The following MACROD2 variants were observed in gnomAD, a reference collection of about 807,000 sequenced individuals.
The protein encoded by MACROD2 is ADP-ribose glycohydrolase MACROD2.
Under a neutral mutation model 70.4 loss-of-function variants are expected in MACROD2, and 36 were observed. The ratio of observed to expected loss-of-function variants is 0.51; its 90% CI spans 0.39 to 0.68. The LOEUF is 0.68. Ranked by LOEUF, MACROD2 falls within the 30% of genes least tolerant of loss-of-function variation. The pLI, the probability that MACROD2 is intolerant of heterozygous loss-of-function variation, is 0.00. For missense variants in MACROD2, 496 were observed against 538.4 expected (o/e 0.92, Z 0.78); for synonymous variants, 172 against 178.8 (o/e 0.96, Z 0.30).
chr20:14,226,369 C>T (rs898604029), intron 3 of MACROD2, among the ~76,000 whole-genome samples: 1 of 152,236 alleles, frequency 6.6e-6, no homozygotes, highest in African/African-American at 2.4e-5. Flanking sequence ...AGCCTTCGCT[C>T]GCTCTCGGCG....
At chr20:14,860,189 G>A (rs1017328630) in intron 5 of MACROD2, among the ~76,000 whole-genome samples, 4 of 152,078 alleles carry the variant, frequency 2.6e-5, no homozygotes, top group Admixed American at 2.0e-4. Flanking sequence ...GAATTGTACA[G>A]GTTACTATTT....
At chr20:15,111,460 G>A (rs1419215286) in intron 5 of MACROD2, among the ~76,000 whole-genome samples, 3 of 152,092 alleles carry the variant, frequency 2.0e-5, no homozygotes, top group African/African-American at 7.2e-5. Context: ...GTGAGCCACT[G>A]CGCCTGGCCC....
intron 4 of MACROD2, among the ~76,000 whole-genome samples, chr20:14,588,086 G>A (rs558898301): frequency 2.0e-5 from 3 of 152,194 alleles, no homozygotes; most frequent in Admixed American, 6.5e-5. Context: ...TTTTATCTAT[G>A]TATATGTTTA....
chr20:15,165,816 A>C, intron 5 of MACROD2, among the ~76,000 whole-genome samples: 1 of 152,210 alleles, frequency 6.6e-6, no homozygotes, highest in East Asian at 1.9e-4. Context: ...TTTTAACATT[A>C]AGAAATATAT....
chr20:15,079,819 C>T (rs1347443631), intron 5 of MACROD2, among the ~76,000 whole-genome samples: 1 of 152,124 alleles, frequency 6.6e-6, no homozygotes, highest in Non-Finnish European at 1.5e-5. Context: ...TAGAAAGTCT[C>T]TTCACATTCC....
chr20:14,228,172 TAGAGAGAG>T (rs58319730), intron 3 of MACROD2, among the ~76,000 whole-genome samples: 191 of 151,138 alleles, frequency 1.3e-3, no homozygotes, highest in African/African-American at 4.2e-3. Context: ...TGTATATATA[TAGAGAGAG>T]AGAGAGAGAG....
chr20:14,958,308 G>GA (rs1391827246), intron 5 of MACROD2, among the ~76,000 whole-genome samples: 3 of 152,180 alleles, frequency 2.0e-5, no homozygotes, highest in Non-Finnish European at 4.4e-5. Context: ...TTAAGAGTGG[G>GA]AGCTTCTTGA....
At position 14,731,066 on chromosome 20, in the gene MACROD2, T is replaced by C. The variant is rs536023733; in HGVS notation, c.418+46107T>C. Among the ~76,000 whole-genome samples, 6 of 152,188 alleles carry C rather than the reference T, an allele frequency of 3.9e-5. No individual in the cohort carries two copies. In the South Asian group the frequency reaches 1.0e-3, roughly 26 times the overall value. On this transcript the variant is annotated intron_variant, in intron 5 of 17. Transcript: ENST00000684519. ...ATTTTGCATCAAAAATATTGTCTTC[T>C]GTAATTTCAGGAACTATTTTCTGCT... is the stretch of plus-strand genomic sequence containing the variant.
chr20:15,235,577 A>G (rs925552679), intron 6 of MACROD2, among the ~76,000 whole-genome samples: 1 of 152,192 alleles, frequency 6.6e-6, no homozygotes, highest in Non-Finnish European at 1.5e-5. Context: ...TAGTTGTTCC[A>G]CTGTAGTGTA....
intron 5 of MACROD2, among the ~76,000 whole-genome samples, chr20:15,074,173 G>T (rs1439584236): frequency 1.3e-5 from 2 of 152,158 alleles, no homozygotes; most frequent in Non-Finnish European, 2.9e-5. Context: ...GTAGCTTAAG[G>T]ATGGGGGCTG....
chr20:14,953,259 T>C (rs1350839801), intron 5 of MACROD2, among the ~76,000 whole-genome samples: 1 of 152,128 alleles, frequency 6.6e-6, no homozygotes, highest in East Asian at 1.9e-4. Flanking sequence ...TCCCATAAAG[T>C]TGTGACCTTA....
At chr20:14,641,356 G>GT (rs1271966565) in intron 4 of MACROD2, among the ~76,000 whole-genome samples, 1 of 152,158 alleles carries the variant, frequency 6.6e-6, no homozygotes, top group East Asian at 1.9e-4. Context: ...AAAGTCATCT[G>GT]TAAGGGCTGA....
chr20:14,030,523 C>A, intron 2 of MACROD2, among the ~76,000 whole-genome samples: 1 of 152,028 alleles, frequency 6.6e-6, no homozygotes, highest in East Asian at 1.9e-4. Flanking sequence ...ATTCTCCTGA[C>A]TTAGCCCCAC....
At chr20:15,850,645 G>A (rs1388006465) in intron 8 of MACROD2, among the ~76,000 whole-genome samples, 4 of 152,228 alleles carry the variant, frequency 2.6e-5, no homozygotes, top group Admixed American at 2.6e-4. Context: ...CTGCAGAGAT[G>A]TGTCTTGGCT....
intron 3 of MACROD2, among the ~76,000 whole-genome samples, chr20:14,114,197 T>A (rs1396588551): frequency 6.6e-6 from 1 of 152,084 alleles, no homozygotes; most frequent in African/African-American, 2.4e-5. Flanking sequence ...TCCTTGACAA[T>A]AAGGAAGAAA....
intron 5 of MACROD2, among the ~76,000 whole-genome samples, chr20:14,709,518 A>C (rs1306371784): frequency 6.6e-6 from 1 of 152,188 alleles, no homozygotes; most frequent in African/African-American, 2.4e-5. Context: ...ATGTATTTAG[A>C]TTCAAATTTA....
Position 15,596,207 on chromosome 20 carries a change from G to A in MACROD2, c.645+96360G>A, listed in dbSNP as rs554590738. 3.1e-3 allele frequency among the ~76,000 whole-genome samples: 469 copies of A among 151,882 alleles called. 4 individuals are homozygous for A. Among genetic ancestry groups the A allele is most frequent in the Admixed American group, 5.4e-3 (82 of 15,278 alleles). On this transcript the variant is annotated intron_variant, in intron 8 of 17. Coordinates refer to ENST00000684519, the MANE Select transcript of MACROD2 (RefSeq NM_001351661.2). ...TTAGTATCTTGTTGGCTTGTGGCTC[G>A]GTCAACTCTACTGAGAGCTCCTGTT...
At chr20:14,289,526 T>C (rs1029290414) in intron 3 of MACROD2, among the ~76,000 whole-genome samples, 1 of 152,182 alleles carries the variant, frequency 6.6e-6, no homozygotes, top group African/African-American at 2.4e-5. Context: ...ATTCAATGCT[T>C]CTCATAGTCT....
At chr20:16,017,240 C>G (rs577103393) in intron 15 of MACROD2, among the ~76,000 whole-genome samples, 5 of 152,298 alleles carry the variant, frequency 3.3e-5, no homozygotes, top group Non-Finnish European at 5.9e-5. Flanking sequence ...TTTGTACTTA[C>G]TACTACTCCT....
Sources: allele counts gnomAD v4.1 joint callset (sites outside exome capture counted in the v4.1 genomes callset), GRCh38; gene constraint gnomAD v4.1.1; transcripts MANE v1.5; gene names NCBI Gene and HGNC (gene_info 2026-07-23, HGNC 2026-07-21).